Variants in CORO2A observed in about 807,000 individuals in gnomAD.
The protein encoded by CORO2A is coronin-2A.
A neutral mutation model predicts 62.4 loss-of-function variants in CORO2A; 47 were observed. The observed-to-expected ratio is 0.75, with a 90% CI of 0.60 to 0.96. The LOEUF (loss-of-function observed/expected upper bound fraction) is 0.96, where lower values mean the gene tolerates loss of function less well. Ranked by LOEUF, CORO2A falls within the 40% of genes least tolerant of loss-of-function variation. The pLI, the probability that CORO2A is intolerant of heterozygous loss-of-function variation, is 0.00. For missense variants in CORO2A, 610 were observed against 684.1 expected (o/e 0.89, Z 1.21); for synonymous variants, 273 against 268.9 (o/e 1.02, Z -0.15).
intron 10 of CORO2A, among the ~76,000 whole-genome samples, chr9:98,127,367 TG>T (rs1406478406): frequency 2.6e-5 from 4 of 151,780 alleles, no homozygotes; most frequent in African/African-American, 9.7e-5. Context: ...AGGAAGTTTG[TG>T]GGGGTGGAAG....
chr9:98,188,130 CAG>C (rs1828261700), intron 1 of CORO2A, among the ~76,000 whole-genome samples: 1 of 152,172 alleles, frequency 6.6e-6, no homozygotes, highest in Non-Finnish European at 1.5e-5. Flanking sequence ...GGTCCTGCCT[CAG>C]GGCTTTTGCC....
intron 2 of CORO2A, among the ~76,000 whole-genome samples, chr9:98,140,655 G>C (rs1333445451): frequency 6.6e-6 from 1 of 152,158 alleles, no homozygotes; most frequent in Non-Finnish European, 1.5e-5. Flanking sequence ...ATGTTGCCCA[G>C]GCTGGTCTTG....
At chr9:98,188,743 C>A (rs923479105) in intron 1 of CORO2A, among the ~76,000 whole-genome samples, 20 of 152,138 alleles carry the variant, frequency 1.3e-4, no homozygotes, top group Non-Finnish European at 2.9e-4. Context: ...GCACTTCAGC[C>A]TGGGAGACAG....
At chr9:98,165,840 T>A (rs1827951905) in intron 1 of CORO2A, among the ~76,000 whole-genome samples, 1 of 152,196 alleles carries the variant, frequency 6.6e-6, no homozygotes, top group Non-Finnish European at 1.5e-5. Flanking sequence ...TTGCAAATTC[T>A]CAAGCCTCCT....
intron 4 of CORO2A, 121 bp downstream of exon 4, chr9:98,134,685 T>G: frequency 2.5e-6 from 3 of 1,187,874 alleles, no homozygotes; most frequent in Non-Finnish European, 3.5e-6. Flanking sequence ...GGGAGCTGGC[T>G]CTCCCAACAC....
At chr9:98,192,263 A>C (rs1209877159) in intron 1 of CORO2A, among the ~76,000 whole-genome samples, 3 of 152,174 alleles carry the variant, frequency 2.0e-5, no homozygotes, top group Non-Finnish European at 2.9e-5. Flanking sequence ...GGCGGTGCAG[A>C]CAGTGCTCAT....
chr9:98,175,768 G>A (rs1828099180), intron 1 of CORO2A, among the ~76,000 whole-genome samples: 1 of 152,146 alleles, frequency 6.6e-6, no homozygotes, highest in South Asian at 2.1e-4. Context: ...GGAGACATTG[G>A]GCCAGTTATC....
chr9:98,122,225 T>C lies in CORO2A; in HGVS notation c.*2549A>G, dbSNP rs2118773060. 1 of 152,326 alleles carries C rather than the reference T, an allele frequency of 6.6e-6. No individual in the cohort carries two copies. The highest frequency in any genetic ancestry group is 1.5e-5 in the Non-Finnish European group (1 of 68,034). 9.4% of individuals were successfully genotyped at this position (152,326 alleles called of 1,614,324 possible). A position where few individuals can be genotyped will look rare whatever the true frequency, so the allele number is the denominator to read the frequency against. ...CCTCTTCATCTTTATTGCAAATAGGTACACATGCAGTCTTCCATCTTCACT... is the reference window on the plus strand; with the variant it reads ...CCTCTTCATCTTTATTGCAAATAGGCACACATGCAGTCTTCCATCTTCACT... On this transcript the variant is annotated 3_prime_UTR_variant, in exon 12 of 12. Coordinates refer to ENST00000375077, the MANE Select transcript of CORO2A (RefSeq NM_052820.4).
chr9:98,132,092 T>C, intron 6 of CORO2A, 93 bp downstream of exon 6: 1 of 960,114 alleles, frequency 1.0e-6, no homozygotes, highest in Non-Finnish European at 1.7e-6. Context: ...AATGTGTGTG[T>C]CATAAATGGG....
chr9:98,183,974 T>G (rs551988165), intron 1 of CORO2A, among the ~76,000 whole-genome samples: 1 of 152,182 alleles, frequency 6.6e-6, no homozygotes, highest in Non-Finnish European at 1.5e-5. Flanking sequence ...AATATGTATA[T>G]ACAGTATAAT....
In CORO2A at chr9:98,182,455, C is replaced by T. The variant is rs1828189696; in HGVS notation, c.-1+10104G>A. 2.6e-5 allele frequency among the ~76,000 whole-genome samples: 4 copies of T among 152,254 alleles called. 1 individual carries two copies. The South Asian group carries it at 8.3e-4, about 32-fold the overall frequency. On this transcript the variant is annotated intron_variant, in intron 1 of 11. Transcript: ENST00000375077. Reference sequence around the variant, plus strand: ...TCCTGTTCATTATCTCCCCAGCCCTCCTCCACACTCCCCACCCCCATTACT... The same window carrying T: ...TCCTGTTCATTATCTCCCCAGCCCTTCTCCACACTCCCCACCCCCATTACT...
intron 2 of CORO2A, among the ~76,000 whole-genome samples, chr9:98,146,349 T>C (rs924468342): frequency 6.6e-6 from 1 of 152,144 alleles, no homozygotes; most frequent in East Asian, 1.9e-4. Flanking sequence ...AGGCTGCAGG[T>C]TGCGAAACTC....
chr9:98,172,910 C>T (rs188769847), intron 1 of CORO2A: 432 of 152,368 alleles, frequency 2.8e-3, no homozygotes, highest in Non-Finnish European at 5.1e-3. Context: ...CACTTCTGCC[C>T]GCAAGACTGG....
rs986467027 is a variant in CORO2A, at chr9:98,123,265, A to G, written c.*1509T>C. On this transcript the variant is annotated 3_prime_UTR_variant, in exon 12 of 12. Coordinates refer to ENST00000375077, the MANE Select transcript of CORO2A (RefSeq NM_052820.4). ...AGCAGGATCTCAGCCCAGCCCTGCC[A>G]TGAAACAAATATCACTTGCCTCTCT... The G allele has an allele frequency of 2.0e-5, 3 of 152,280 alleles. No homozygotes were observed. Among genetic ancestry groups the G allele is most frequent in the Admixed American group, 6.5e-5 (1 of 15,284 alleles). 9.4% of individuals were successfully genotyped at this position (152,280 alleles called of 1,614,324 possible).
intron 2 of CORO2A, among the ~76,000 whole-genome samples, chr9:98,143,549 C>A (rs973424169): frequency 3.3e-5 from 5 of 152,174 alleles, no homozygotes; most frequent in Admixed American, 2.6e-4. Context: ...GGCAAGTGAC[C>A]TCAGTTCTCT....
At chr9:98,149,252 A>G (rs1827691165) in intron 2 of CORO2A, among the ~76,000 whole-genome samples, 1 of 152,236 alleles carries the variant, frequency 6.6e-6, no homozygotes, top group Non-Finnish European at 1.5e-5. Context: ...GTTTATCTGA[A>G]AGTCAAATTA....
chr9:98,153,497 C>T (rs947486833), intron 2 of CORO2A, among the ~76,000 whole-genome samples: 2 of 151,378 alleles, frequency 1.3e-5, no homozygotes, highest in African/African-American at 2.4e-5. Flanking sequence ...ACCTCAAATT[C>T]GTGGCCTCAA....
At chr9:98,170,200 C>T (rs1316575777) in intron 1 of CORO2A, among the ~76,000 whole-genome samples, 4 of 152,184 alleles carry the variant, frequency 2.6e-5, no homozygotes, top group Non-Finnish European at 4.4e-5. Flanking sequence ...TTTTCCTTCT[C>T]TTCCTTCCTC....
At chr9:98,165,536 T>C (rs1451414150) in intron 1 of CORO2A, among the ~76,000 whole-genome samples, 1 of 152,210 alleles carries the variant, frequency 6.6e-6, no homozygotes, top group Non-Finnish European at 1.5e-5. Flanking sequence ...ATTCAGTCAC[T>C]GCTCTCCACA....
Sources: gnomAD v4.1 joint callset for allele counts (sites outside exome capture counted in the v4.1 genomes callset) on GRCh38, gnomAD v4.1.1 for gene constraint, MANE v1.5 for transcripts, NCBI Gene and HGNC (gene_info 2026-07-23, HGNC 2026-07-21) for gene names.